The following OVCH1 variants were observed in gnomAD, a reference collection of about 807,000 sequenced individuals.
OVCH1 encodes ovochymase-1.
OVCH1 carries 139 observed loss-of-function variants against 138.4 expected under a neutral mutation model. The observed-to-expected ratio is 1.00, with a 90% confidence interval of 0.87 to 1.16. The LOEUF is 1.16. Ranked by LOEUF, OVCH1 falls within the 50% of genes most tolerant of loss-of-function variation. The pLI is 0.00. For missense variants in OVCH1, 1,367 were observed against 1,357.9 expected, an observed-to-expected ratio of 1.01 and a Z score of -0.11; for synonymous variants, 453 against 467.8, an observed-to-expected ratio of 0.97 and a Z score of 0.41.
chr12:29,424,211 A>C (rs546636486), downstream of OVCH1, among the ~76,000 whole-genome samples: 2 of 152,362 alleles, frequency 1.3e-5, no homozygotes, highest in East Asian at 3.9e-4. Flanking sequence ...GGCCGAAATA[A>C]AGGGATGGGT....
chr12:29,461,124 C>A (rs1942116393), intron 19 of OVCH1, among the ~76,000 whole-genome samples: 2 of 152,140 alleles, frequency 1.3e-5, no homozygotes, highest in Admixed American at 1.3e-4. Flanking sequence ...TCTTTCTTTC[C>A]TCTCTACACC....
chr12:29,424,266 G>A (rs11050227), downstream of OVCH1, among the ~76,000 whole-genome samples: 6,602 of 152,282 alleles, frequency 0.043, 445 homozygotes, highest in African/African-American at 0.14. Context: ...GGCACAGATC[G>A]CTTATGCTAT....
chr12:29,479,853 T>C (rs1228497036), intron 8 of OVCH1, among the ~76,000 whole-genome samples: 1 of 145,124 alleles, frequency 6.9e-6, no homozygotes, highest in African/African-American at 2.5e-5. Context: ...AGACTGAGTC[T>C]CACTCTGTCA....
chr12:29,411,990 C>G (rs933245537), downstream of OVCH1, among the ~76,000 whole-genome samples: 1 of 140,836 alleles, frequency 7.1e-6, no homozygotes. Context: ...CTTTATTTAC[C>G]TAAGCAAGCC....
chr12:29,473,781 T>A (rs1942598474), intron 14 of OVCH1, among the ~76,000 whole-genome samples: 1 of 152,134 alleles, frequency 6.6e-6, no homozygotes, highest in Non-Finnish European at 1.5e-5. Context: ...CAAAAGAATT[T>A]AACATTTGAG....
At chr12:29,469,135 G>A (rs1354224116) in intron 16 of OVCH1, among the ~76,000 whole-genome samples, 2 of 152,258 alleles carry the variant, frequency 1.3e-5, no homozygotes, top group Non-Finnish European at 2.9e-5. Context: ...TTTCCCAAAA[G>A]TAAGTATGGA....
exon 13 of OVCH1, chr12:29,476,286 T>G (rs1234733953): frequency 6.2e-7 from 1 of 1,612,032 alleles, no homozygotes; most frequent in East Asian, 2.2e-5. Context: ...GACAGCAAAG[T>G]CCTCAAATGT....
At chr12:29,442,547 C>T (rs886608044) in intron 25 of OVCH1, among the ~76,000 whole-genome samples, 11 of 150,710 alleles carry the variant, frequency 7.3e-5, no homozygotes, top group Non-Finnish European at 1.6e-4. Flanking sequence ...GGGTGCAGCA[C>T]ACCAGCATGG....
chr12:29,496,437 G>T, intron 2 of OVCH1, 119 bp downstream of exon 2: 1 of 1,134,754 alleles, frequency 8.8e-7, no homozygotes, highest in Non-Finnish European at 1.3e-6. Context: ...AAACTTTTTG[G>T]TAGAGAGCTA....
At chr12:29,475,805 A>C (rs1426119844) in intron 13 of OVCH1, among the ~76,000 whole-genome samples, 2 of 152,204 alleles carry the variant, frequency 1.3e-5, no homozygotes, top group African/African-American at 4.8e-5. Flanking sequence ...TGAAGTTTTA[A>C]AAGTCTTAAA....
chr12:29,477,558 C>T (rs1290009787), exon 10 of OVCH1: 2 of 1,613,842 alleles, frequency 1.2e-6, no homozygotes, highest in South Asian at 2.2e-5. Flanking sequence ...TTTCCATCGT[C>T]TTCCATGAGA....
At chr12:29,444,033 C>A (rs1941552478) in intron 24 of OVCH1, 112 bp downstream of exon 24, 2 of 1,279,340 alleles carry the variant, frequency 1.6e-6, no homozygotes, top group Non-Finnish European at 2.1e-6. Context: ...AGAGTCTATT[C>A]TTTTTGGAAA....
chr12:29,459,467 G>T (rs983966724), intron 19 of OVCH1, among the ~76,000 whole-genome samples: 2 of 152,080 alleles, frequency 1.3e-5, no homozygotes, highest in Non-Finnish European at 2.9e-5. Flanking sequence ...GAGTATAGAA[G>T]GATGATTACC....
At chr12:29,414,357 T>C (rs1941004620) in intron 3 of OVCH1, among the ~76,000 whole-genome samples, 1 of 152,158 alleles carries the variant, frequency 6.6e-6, no homozygotes. Flanking sequence ...TTTTTTCATT[T>C]ACCAGATTAT....
intron 18 of OVCH1, among the ~76,000 whole-genome samples, chr12:29,463,870 T>C (rs1233506203): frequency 2.0e-5 from 3 of 152,244 alleles, no homozygotes; most frequent in African/African-American, 7.2e-5. Context: ...AAAGGAAATA[T>C]ACAAAGAAAA....
chr12:29,435,635 T>C (rs1192552872), intron 26 of OVCH1, among the ~76,000 whole-genome samples: 4 of 152,182 alleles, frequency 2.6e-5, no homozygotes, highest in Non-Finnish European at 2.9e-5. Context: ...ATTACAGGCA[T>C]GAGCTACCGC....
intron 3 of OVCH1, among the ~76,000 whole-genome samples, chr12:29,416,069 C>CA (rs1197974552): frequency 1.5e-4 from 10 of 68,188 alleles, no homozygotes; most frequent in Non-Finnish European, 1.4e-4. Flanking sequence ...CCTTAGACCA[C>CA]AAAAAAAGCA....
At chr12:29,488,415 G>A (rs149156226) in intron 6 of OVCH1, among the ~76,000 whole-genome samples, 481 of 151,906 alleles carry the variant, frequency 3.2e-3, no homozygotes, top group African/African-American at 0.011. Context: ...TCACGAGTTC[G>A]AGACCAGCCT....
intron 3 of OVCH1, among the ~76,000 whole-genome samples, chr12:29,421,387 G>A (rs938367888): frequency 6.6e-6 from 1 of 152,070 alleles, no homozygotes; most frequent in Non-Finnish European, 1.5e-5. Flanking sequence ...GCATTTCTTA[G>A]GTTCAAAACT....
Sources: allele counts gnomAD v4.1 joint callset (sites outside exome capture counted in the v4.1 genomes callset), GRCh38; gene constraint gnomAD v4.1.1; transcripts MANE v1.5; gene names NCBI Gene and HGNC (gene_info 2026-07-23, HGNC 2026-07-21).